SAMD5: variants seen among roughly 807,000 people sequenced by gnomAD.
SAMD5 encodes the protein sterile alpha motif domain-containing protein 5.
Under a neutral mutation model 11.3 loss-of-function variants are expected in SAMD5, and 13 were observed. The observed-to-expected ratio is 1.15, with a 90% CI of 0.75 to 1.83. The LOEUF (loss-of-function observed/expected upper bound fraction) is 1.83. SAMD5 is among the 40% of genes most tolerant of loss of function. SAMD5 has a pLI of 0.00. For missense variants in SAMD5, 255 were observed against 239.1 expected (o/e 1.07, Z -0.44); for synonymous variants, 129 against 111.3 (o/e 1.16, Z -1.00).
At chr6:147,590,727 A>G (rs1246920787) in intron 1 of SAMD5, among the ~76,000 whole-genome samples, 2 of 152,182 alleles carry the variant, frequency 1.3e-5, no homozygotes, top group African/African-American at 2.4e-5. Context: ...ACTGTTTAAT[A>G]TACCAAGACT....
At chr6:147,932,782 G>C in the SAMD5 span, among the ~76,000 whole-genome samples, 1 of 152,110 alleles carries the variant, frequency 6.6e-6, no homozygotes, top group African/African-American at 2.4e-5. Context: ...TAAACACTCA[G>C]GCAGAGTCTG....
the SAMD5 span, among the ~76,000 whole-genome samples, chr6:147,925,308 C>T: frequency 4.6e-5 from 7 of 152,060 alleles, no homozygotes; most frequent in East Asian, 1.9e-4. Flanking sequence ...GGATCCTTCC[C>T]GGGAACTGAG....
At chr6:147,823,902 C>T in the SAMD5 span, among the ~76,000 whole-genome samples, 2 of 152,150 alleles carry the variant, frequency 1.3e-5, no homozygotes, top group South Asian at 2.1e-4. Flanking sequence ...ATTTAATTCT[C>T]ATCAAACCTG....
chr6:147,762,488 C>T, the SAMD5 span, among the ~76,000 whole-genome samples: 6 of 144,254 alleles, frequency 4.2e-5, no homozygotes, highest in South Asian at 2.3e-4. Flanking sequence ...CATGAGCCAC[C>T]GTGCCTGGCC....
intron 1 of SAMD5, among the ~76,000 whole-genome samples, chr6:147,618,902 A>G (rs137957740): frequency 3.3e-5 from 5 of 152,368 alleles, no homozygotes; most frequent in African/African-American, 4.8e-5. Flanking sequence ...AAGTTACTTC[A>G]TCTTTTAAAG....
At chr6:147,554,841 C>A (rs1788829021) in intron 1 of SAMD5, among the ~76,000 whole-genome samples, 1 of 152,122 alleles carries the variant, frequency 6.6e-6, no homozygotes, top group African/African-American at 2.4e-5. Context: ...CTTCTTGTAT[C>A]CAGAAGTGGT....
intron 1 of SAMD5, among the ~76,000 whole-genome samples, chr6:147,695,507 C>A (rs1791162872): frequency 6.6e-6 from 1 of 152,150 alleles, no homozygotes; most frequent in Admixed American, 6.5e-5. Context: ...ACTAAATGAT[C>A]TTATACTGCT....
chr6:147,898,184 T>A, the SAMD5 span, among the ~76,000 whole-genome samples: 1 of 152,102 alleles, frequency 6.6e-6, no homozygotes, highest in Non-Finnish European at 1.5e-5. Context: ...ATATGCTAGC[T>A]TACCGATTTA....
chr6:147,607,392 C>T (rs1441118667), intron 1 of SAMD5, among the ~76,000 whole-genome samples: 1 of 152,068 alleles, frequency 6.6e-6, no homozygotes, highest in East Asian at 1.9e-4. Context: ...GCAAAAAGAA[C>T]AAAACTGGAG....
chr6:147,608,006 C>T (rs1384615115), intron 1 of SAMD5, among the ~76,000 whole-genome samples: 4 of 152,130 alleles, frequency 2.6e-5, no homozygotes, highest in African/African-American at 9.7e-5. Context: ...CAAAAGAAGA[C>T]ATACAGATGG....
intron 1 of SAMD5, among the ~76,000 whole-genome samples, chr6:147,533,136 A>T (rs6914664): frequency 6.6e-6 from 1 of 152,128 alleles, no homozygotes; most frequent in East Asian, 1.9e-4. Flanking sequence ...CAGACCCAAC[A>T]TAGGGGCCCA....
chr6:147,616,394 C>G (rs1466062408), intron 1 of SAMD5, among the ~76,000 whole-genome samples: 1 of 151,256 alleles, frequency 6.6e-6, no homozygotes, highest in East Asian at 1.9e-4. Flanking sequence ...AATAGGTGCT[C>G]AATAAATGTT....
the SAMD5 span, among the ~76,000 whole-genome samples, chr6:147,749,172 G>GT: frequency 0.01 from 1,385 of 137,248 alleles, 15 homozygotes; most frequent in African/African-American, 0.027. Flanking sequence ...TTTTTGTTTT[G>GT]TTTTTTTTTT....
At chr6:147,802,138 G>T in the SAMD5 span, among the ~76,000 whole-genome samples, 1 of 152,162 alleles carries the variant, frequency 6.6e-6, no homozygotes, top group Admixed American at 6.5e-5. Flanking sequence ...TGGGAGAAAA[G>T]GTTTACAATA....
intron 1 of SAMD5, among the ~76,000 whole-genome samples, chr6:147,517,087 C>A (rs1342553537): frequency 6.6e-6 from 1 of 152,146 alleles, no homozygotes; most frequent in East Asian, 1.9e-4. Flanking sequence ...TTATTTTCCA[C>A]CTTCTGACAT....
Position 147,508,798 on chromosome 6 carries a change from C to A in SAMD5, c.-131C>A. 1.4e-6 allele frequency: 2 copies of A among 1,393,264 alleles called. No homozygotes were observed. Among genetic ancestry groups the A allele is most frequent in the Non-Finnish European group, 1.9e-6 (2 of 1,060,414 alleles). The allele number at this position is 1,393,264 out of a possible 1,614,324, so 86.3% of individuals were successfully genotyped here. On this transcript the variant is annotated 5_prime_UTR_variant, in exon 1 of 2. Transcript: ENST00000367474. Reference sequence around the variant, plus strand: ...TTTCCGTCTCCTGCCCGAGCCTTTCCTTTAAAAGGAAAACTTTACTGCGAT... The same window carrying A: ...TTTCCGTCTCCTGCCCGAGCCTTTCATTTAAAAGGAAAACTTTACTGCGAT...
At chr6:147,859,049 G>A in the SAMD5 span, among the ~76,000 whole-genome samples, 2,738 of 152,240 alleles carry the variant, frequency 0.018, 147 homozygotes, top group South Asian at 0.17. Context: ...TTCACTAGGG[G>A]CCAGGGAGGA....
intron 1 of SAMD5, among the ~76,000 whole-genome samples, chr6:147,518,055 C>T (rs1381463797): frequency 6.6e-6 from 1 of 152,106 alleles, no homozygotes; most frequent in Non-Finnish European, 1.5e-5. Context: ...TTGCAAAGAG[C>T]AAGGCACCTG....
intron 1 of SAMD5, among the ~76,000 whole-genome samples, chr6:147,624,927 G>C (rs1022234803): frequency 2.0e-5 from 3 of 151,822 alleles, no homozygotes; most frequent in Non-Finnish European, 4.4e-5. Context: ...AGATTATGGA[G>C]AGAATGCAAG....
Sources: allele counts gnomAD v4.1 joint callset (sites outside exome capture counted in the v4.1 genomes callset), GRCh38; gene constraint gnomAD v4.1.1; transcripts MANE v1.5; gene names NCBI Gene and HGNC (gene_info 2026-07-23, HGNC 2026-07-21).